The following SVIL variants were observed in gnomAD, a reference collection of about 807,000 sequenced individuals.
SVIL encodes the protein archvillin.
SVIL carries 101 observed loss-of-function variants against 240.4 expected under a neutral mutation model. That is an observed-to-expected ratio of 0.42 (90% CI 0.36 to 0.50). The LOEUF (loss-of-function observed/expected upper bound fraction) is 0.50, where lower values mean the gene tolerates loss of function less well. SVIL is among the 20% of genes least tolerant of loss of function. The pLI, the probability that SVIL is intolerant of heterozygous loss-of-function variation, is 0.01. For synonymous variants in SVIL, 999 were observed against 1,100.0 expected (o/e 0.91, Z 1.82); for missense variants, 2,512 against 2,818.7 (o/e 0.89, Z 2.46).
At chr10:29,577,819 T>G (rs1354215430) in intron 1 of SVIL, among the ~76,000 whole-genome samples, 2 of 152,206 alleles carry the variant, frequency 1.3e-5, no homozygotes, top group East Asian at 3.8e-4. Context: ...TCAATCCCAT[T>G]CATAATTGTA....
chr10:29,540,765 C>T (rs192700651), intron 6 of SVIL, among the ~76,000 whole-genome samples: 1 of 152,158 alleles, frequency 6.6e-6, no homozygotes, highest in Non-Finnish European at 1.5e-5. Flanking sequence ...CTCTCTAGTG[C>T]CGTTTCCACC....
chr10:29,509,335 GAGAGAGAGA>G (rs1949630572), intron 17 of SVIL, among the ~76,000 whole-genome samples: 8 of 47,150 alleles, frequency 1.7e-4, no homozygotes, highest in Middle Eastern at 7.9e-3. Flanking sequence ...GGGAGGGAGA[GAGAGAGAGA>G]GAGAGAGAGA....
chr10:29,573,771 C>A (rs1310916619), intron 1 of SVIL, among the ~76,000 whole-genome samples: 1 of 151,902 alleles, frequency 6.6e-6, no homozygotes, highest in Non-Finnish European at 1.5e-5. Flanking sequence ...TCTTGGGTCA[C>A]TACAACCTCC....
intron 1 of SVIL, among the ~76,000 whole-genome samples, chr10:29,593,252 C>T (rs1433163688): frequency 6.6e-6 from 1 of 152,224 alleles, no homozygotes; most frequent in Non-Finnish European, 1.5e-5. Flanking sequence ...ACACACAAGA[C>T]ACAGCCTGTC....
At chr10:29,693,675 G>A (rs1961695033) in intron 1 of SVIL, among the ~76,000 whole-genome samples, 1 of 152,138 alleles carries the variant, frequency 6.6e-6, no homozygotes, top group Non-Finnish European at 1.5e-5. Context: ...GCAAGTGCCA[G>A]CCCTTTCCTT....
chr10:29,480,945 A>T lies in SVIL; in HGVS notation c.5101-132T>A. 4 of 1,123,048 alleles carry T rather than the reference A, an allele frequency of 3.6e-6. No individual in the cohort carries two copies. In the South Asian group the frequency reaches 6.0e-5, roughly 17 times the overall value. The allele number at this position is 1,123,048 out of a possible 1,614,324, so 69.6% of individuals were successfully genotyped here. On this transcript the variant is annotated intron_variant, in intron 28 of 37. Transcript: ENST00000355867. Reference sequence around the variant, plus strand: ...TTCCACACTCTGTCTCAGGATGTTTAACTGCAGTCAGGGAAAGGCTGCATT... The same window carrying T: ...TTCCACACTCTGTCTCAGGATGTTTTACTGCAGTCAGGGAAAGGCTGCATT...
At chr10:29,511,535 T>G (rs1949835469) in intron 17 of SVIL, among the ~76,000 whole-genome samples, 1 of 151,958 alleles carries the variant, frequency 6.6e-6, no homozygotes, top group Non-Finnish European at 1.5e-5. Flanking sequence ...AAATAAAGTT[T>G]GCGGGTAGCA....
chr10:29,566,212 C>G, intron 2 of SVIL, among the ~76,000 whole-genome samples: 1 of 152,138 alleles, frequency 6.6e-6, no homozygotes, highest in Non-Finnish European at 1.5e-5. Context: ...ACACATCATT[C>G]TTTAGTACCT....
intron 1 of SVIL, among the ~76,000 whole-genome samples, chr10:29,633,432 G>T (rs1161897415): frequency 6.6e-6 from 1 of 151,958 alleles, no homozygotes; most frequent in East Asian, 1.9e-4. Context: ...CATGTAAATT[G>T]GGCATTTACA....
At chr10:29,526,757 G>A (rs1950948380) in intron 13 of SVIL, among the ~76,000 whole-genome samples, 1 of 152,244 alleles carries the variant, frequency 6.6e-6, no homozygotes, top group African/African-American at 2.4e-5. Context: ...AACATATGCA[G>A]AGAGACAAAA....
intron 1 of SVIL, among the ~76,000 whole-genome samples, chr10:29,582,821 AGGT>A (rs1956007143): frequency 6.6e-6 from 1 of 152,058 alleles, no homozygotes; most frequent in Admixed American, 6.6e-5. Context: ...CCAGGACATA[AGGT>A]GCAGCATGCC....
chr10:29,469,958 G>A (rs1945366507), intron 32 of SVIL, among the ~76,000 whole-genome samples: 1 of 152,194 alleles, frequency 6.6e-6, no homozygotes, highest in Non-Finnish European at 1.5e-5. Context: ...AAGGCCCCCA[G>A]GCTTCTCATC....
chr10:29,505,537 G>A (rs1446476659), intron 17 of SVIL, among the ~76,000 whole-genome samples: 2 of 151,578 alleles, frequency 1.3e-5, no homozygotes, highest in African/African-American at 4.9e-5. Flanking sequence ...AGAGTGATGA[G>A]CAGGCAGAGC....
At chr10:29,730,137 C>T (rs1181127007) in intron 1 of SVIL, among the ~76,000 whole-genome samples, 1 of 151,850 alleles carries the variant, frequency 6.6e-6, no homozygotes, top group Non-Finnish European at 1.5e-5. Context: ...ATGATCACAC[C>T]GCTGTACTCC....
intron 1 of SVIL, among the ~76,000 whole-genome samples, chr10:29,726,089 T>C (rs1262927183): frequency 6.6e-6 from 1 of 152,012 alleles, no homozygotes; most frequent in Admixed American, 6.6e-5. Flanking sequence ...GCATGACTAA[T>C]TTTTAAATTT....
At chr10:29,627,009 G>C (rs1218585966) in intron 1 of SVIL, among the ~76,000 whole-genome samples, 1 of 151,700 alleles carries the variant, frequency 6.6e-6, no homozygotes, top group Non-Finnish European at 1.5e-5. Context: ...GGGAGACTGA[G>C]CGAGACTCCA....
chr10:29,551,356 C>A, intron 5 of SVIL, 93 bp from the exon 6 acceptor site: 1 of 1,276,350 alleles, frequency 7.8e-7, no homozygotes, highest in East Asian at 2.4e-5. Flanking sequence ...CAGCACACAC[C>A]TGGGTGCCCA....
At chr10:29,482,704 C>G (rs1369827534) in intron 27 of SVIL, 1 of 152,230 alleles carries the variant, frequency 6.6e-6, no homozygotes, top group Non-Finnish European at 1.5e-5. Flanking sequence ...TCTTGTGTGG[C>G]CTTAGGATTT....
intron 1 of SVIL, among the ~76,000 whole-genome samples, chr10:29,702,094 G>A (rs1475587058): frequency 7.0e-6 from 1 of 143,394 alleles, no homozygotes; most frequent in African/African-American, 2.6e-5. Flanking sequence ...AGAATCACTT[G>A]AACCCGGGAG....
Sources: allele counts gnomAD v4.1 joint callset (sites outside exome capture counted in the v4.1 genomes callset), GRCh38; gene constraint gnomAD v4.1.1; transcripts MANE v1.5; gene names NCBI Gene and HGNC (gene_info 2026-07-23, HGNC 2026-07-21).